TRHDE: variants seen among roughly 807,000 people sequenced by gnomAD.
TRHDE encodes thyrotropin releasing hormone degrading enzyme.
TRHDE carries 72 observed loss-of-function variants against 125.7 expected under a neutral mutation model. The ratio of observed to expected loss-of-function variants is 0.57; its 90% CI spans 0.47 to 0.70. The LOEUF is 0.70. Ranked by LOEUF, TRHDE falls within the 30% of genes least tolerant of loss-of-function variation. TRHDE has a pLI of 0.00. For synonymous variants in TRHDE, 509 were observed against 509.1 expected (o/e 1.00, Z 0.00); for missense variants, 1,110 against 1,327.1 (o/e 0.84, Z 2.54).
At chr12:72,500,945 G>A (rs1878130040) in intron 6 of TRHDE, among the ~76,000 whole-genome samples, 1 of 144,794 alleles carries the variant, frequency 6.9e-6, no homozygotes, top group Admixed American at 7.1e-5. Context: ...TACTGGAATT[G>A]CAGGAAATGT....
chr12:72,248,157 C>T (rs891625895), intron 2 of TRHDE, among the ~76,000 whole-genome samples: 1 of 152,096 alleles, frequency 6.6e-6, no homozygotes, highest in South Asian at 2.1e-4. Flanking sequence ...CGGTGGCTCA[C>T]GCCTATAATC....
chr12:72,433,061 C>A (rs558865111), intron 3 of TRHDE, among the ~76,000 whole-genome samples: 1 of 152,164 alleles, frequency 6.6e-6, no homozygotes, highest in African/African-American at 2.4e-5. Flanking sequence ...ATTGAGACGA[C>A]CATGTGAGTT....
At chr12:72,243,615 T>G (rs1878522985) in intron 2 of TRHDE, among the ~76,000 whole-genome samples, 1 of 152,226 alleles carries the variant, frequency 6.6e-6, no homozygotes, top group Non-Finnish European at 1.5e-5. Context: ...GAAATGTGAC[T>G]ACAAGTAAAT....
intron 12 of TRHDE, among the ~76,000 whole-genome samples, chr12:72,588,690 G>T (rs147144981): frequency 8.5e-5 from 13 of 152,274 alleles, no homozygotes; most frequent in Admixed American, 8.5e-4. Context: ...GAAAGGTCAT[G>T]AGGACAAACT....
intron 2 of TRHDE, among the ~76,000 whole-genome samples, chr12:72,343,225 G>T (rs1016091122): frequency 1.3e-5 from 2 of 152,014 alleles, no homozygotes; most frequent in African/African-American, 4.8e-5. Flanking sequence ...GGATATGTGG[G>T]ATATTGGGTA....
At chr12:72,215,137 A>G (rs1009513439) in intron 2 of TRHDE, among the ~76,000 whole-genome samples, 9 of 152,054 alleles carry the variant, frequency 5.9e-5, no homozygotes, top group Non-Finnish European at 1.3e-4. Context: ...GGGCCGTTTT[A>G]TAGGATTTGG....
chr12:72,609,012 G>C (rs568247600), intron 12 of TRHDE, among the ~76,000 whole-genome samples: 1 of 152,140 alleles, frequency 6.6e-6, no homozygotes. Context: ...AAAGGATTTA[G>C]TCACATAGTG....
intron 3 of TRHDE, among the ~76,000 whole-genome samples, chr12:72,404,370 G>A (rs1873178285): frequency 6.6e-6 from 1 of 152,172 alleles, no homozygotes; most frequent in Admixed American, 6.5e-5. Context: ...GGCAGATGTT[G>A]CAGTGAGCTG....
At position 72,094,387 on chromosome 12, in the gene TRHDE, G is replaced by A. The variant is rs557391075; in HGVS notation, n.174+6948G>A. Among the ~76,000 whole-genome samples the A allele has an allele frequency of 2.8e-3, 427 of 152,188 alleles. 1 individual carries two copies. Among genetic ancestry groups the A allele is most frequent in the African/African-American group, 9.7e-3 (403 of 41,526 alleles). ...GGCTGGGGTCTGCAGGCCTGCCTCT[G>A]GGGTTACTGATGAGCATATCTATTG... On this transcript the variant is annotated intron_variant and non_coding_transcript_variant, in intron 1 of 4. Transcript: ENST00000548156.
intron 15 of TRHDE, among the ~76,000 whole-genome samples, chr12:72,646,381 T>C (rs999103227): frequency 6.6e-6 from 1 of 151,458 alleles, no homozygotes; most frequent in Non-Finnish European, 1.5e-5. Context: ...AGCATATCAA[T>C]ATAAAAACTC....
At chr12:72,324,311 C>T (rs1869238996) in intron 2 of TRHDE, among the ~76,000 whole-genome samples, 1 of 151,988 alleles carries the variant, frequency 6.6e-6, no homozygotes. Flanking sequence ...AGGACTAGAA[C>T]CTTGGTCTCC....
chr12:72,234,696 T>C (rs557839861), intron 2 of TRHDE, among the ~76,000 whole-genome samples: 1 of 152,248 alleles, frequency 6.6e-6, no homozygotes, highest in Admixed American at 6.5e-5. Context: ...GAGAAAATAA[T>C]GTAGTGTTAT....
At chr12:72,639,917 A>G (rs1283440516) in intron 15 of TRHDE, among the ~76,000 whole-genome samples, 3 of 152,056 alleles carry the variant, frequency 2.0e-5, no homozygotes, top group East Asian at 3.9e-4. Context: ...GCTGTCAGAC[A>G]GGGACACTTA....
At chr12:72,163,107 A>AG (rs1455824502) in intron 2 of TRHDE, 4 of 152,224 alleles carry the variant, frequency 2.6e-5, no homozygotes, top group Non-Finnish European at 5.9e-5. Context: ...TTGAATTATA[A>AG]GGTAGGTTGA....
intron 3 of TRHDE, among the ~76,000 whole-genome samples, chr12:72,423,119 A>G (rs1030115397): frequency 6.6e-6 from 1 of 152,114 alleles, no homozygotes; most frequent in African/African-American, 2.4e-5. Flanking sequence ...TGTTAAAACT[A>G]TACTTATTTA....
At chr12:72,405,523 TA>T (rs1350487728) in intron 3 of TRHDE, among the ~76,000 whole-genome samples, 15 of 152,318 alleles carry the variant, frequency 9.8e-5, no homozygotes, top group African/African-American at 2.6e-4. Context: ...GAGCCACCAC[TA>T]CATTAAGTCT....
chr12:72,633,044 A>AATTAAAAG (rs1873565604), intron 15 of TRHDE, among the ~76,000 whole-genome samples: 1 of 152,030 alleles, frequency 6.6e-6, no homozygotes, highest in South Asian at 2.1e-4. Flanking sequence ...ATCCAATTTT[A>AATTAAAAG]TTTCTGCAGA....
intron 2 of TRHDE, among the ~76,000 whole-genome samples, chr12:72,120,466 GGTAT>G (rs1403870791): frequency 6.6e-6 from 1 of 151,348 alleles, no homozygotes; most frequent in Non-Finnish European, 1.5e-5. Flanking sequence ...TTTCTCTCGT[GGTAT>G]GTTTTAATTT....
intron 12 of TRHDE, among the ~76,000 whole-genome samples, chr12:72,590,302 C>A (rs1871619600): frequency 6.6e-6 from 1 of 150,676 alleles, no homozygotes; most frequent in Non-Finnish European, 1.5e-5. Flanking sequence ...GGTAAACATA[C>A]CATATGTACA....
Sources: gnomAD v4.1 joint callset for allele counts (sites outside exome capture counted in the v4.1 genomes callset) on GRCh38, gnomAD v4.1.1 for gene constraint, MANE v1.5 for transcripts, NCBI Gene and HGNC (gene_info 2026-07-23, HGNC 2026-07-21) for gene names.